The following MICAL2 variants were observed in gnomAD, a reference collection of about 807,000 sequenced individuals.
MICAL2 encodes the protein [F-actin]-monooxygenase MICAL2.
MICAL2 carries 77 observed loss-of-function variants against 127.3 expected under a neutral mutation model. The observed-to-expected ratio is 0.60, with a 90% CI of 0.50 to 0.73. MICAL2 has a LOEUF of 0.73. Among genes scored for constraint, MICAL2 ranks in the 30% least tolerant of loss-of-function variants. MICAL2 has a pLI of 0.00. For synonymous variants in MICAL2, 570 were observed against 551.1 expected (o/e 1.03, Z -0.48); for missense variants, 1,351 against 1,434.4 (o/e 0.94, Z 0.94).
intron 3 of MICAL2, among the ~76,000 whole-genome samples, chr11:12,201,261 C>G (rs1306668266): frequency 6.6e-6 from 1 of 152,062 alleles, no homozygotes; most frequent in Non-Finnish European, 1.5e-5. Flanking sequence ...TACAAACTCT[C>G]TGGAAGGTTC....
At position 12,239,502 on chromosome 11, in the gene MICAL2, A is replaced by T. The variant is rs955709586; in HGVS notation, c.2131A>T (p.Asn711Tyr). Reference protein sequence around the residue: ...QECGSSKEGGNQNKVKSMANQ... With the variant: ...QECGSSKEGGYQNKVKSMANQ... Reference sequence around the variant, plus strand: ...GTGTGGGAGCAGTAAGGAAGGTGGAAATCAGAACAAAGTCAAGTCCATGGC... The same window carrying T: ...GTGTGGGAGCAGTAAGGAAGGTGGATATCAGAACAAAGTCAAGTCCATGGC... The change falls in exon 17 of 28, where the codon AAT (asparagine) becomes TAT (tyrosine). Residue 711 changes from asparagine to tyrosine, a missense_variant. By Grantham distance (143) the Asn-to-Tyr change is moderately radical. This residue lies in a region of MICAL2 where 752 missense variants were observed against 719.4 expected (regional missense o/e 1.05). Coordinates refer to ENST00000683283, the MANE Select transcript of MICAL2 (RefSeq NM_001282663.2). The T allele has an allele frequency of 6.2e-7, 1 of 1,614,238 alleles. No homozygotes were observed. The highest frequency in any genetic ancestry group is 8.5e-7 in the Non-Finnish European group (1 of 1,180,044).
intron 32 of MICAL2, among the ~76,000 whole-genome samples, chr11:12,345,911 C>T (rs958828145): frequency 6.6e-6 from 1 of 152,228 alleles, no homozygotes; most frequent in East Asian, 1.9e-4. Context: ...CTTCCTAGGA[C>T]AAAATGACAG....
chr11:12,155,788 G>A (rs960689399), intron 2 of MICAL2, among the ~76,000 whole-genome samples: 51 of 152,226 alleles, frequency 3.4e-4, no homozygotes, highest in African/African-American at 1.2e-3. Context: ...GAGTGCCTGG[G>A]TGGTACTGGG....
At chr11:12,192,434 T>C (rs369030560) in intron 3 of MICAL2, among the ~76,000 whole-genome samples, 2 of 152,216 alleles carry the variant, frequency 1.3e-5, no homozygotes, top group Non-Finnish European at 2.9e-5. Flanking sequence ...TGGGATGGAC[T>C]GGACTCTGAG....
intron 29 of MICAL2, among the ~76,000 whole-genome samples, chr11:12,311,244 C>T (rs924269127): frequency 6.6e-6 from 1 of 152,200 alleles, no homozygotes; most frequent in East Asian, 1.9e-4. Context: ...TTATTGTGTT[C>T]CTGAAATAAA....
At chr11:12,334,551 T>G (rs1422016850) in intron 32 of MICAL2, among the ~76,000 whole-genome samples, 1 of 151,582 alleles carries the variant, frequency 6.6e-6, no homozygotes, top group African/African-American at 2.4e-5. Context: ...GCTGCACCCA[T>G]TAACTCGTCA....
exon 31 of MICAL2, chr11:12,324,060 A>G (rs914639749): frequency 2.2e-5 from 36 of 1,612,626 alleles, no homozygotes; most frequent in South Asian, 7.7e-5. Context: ...AAAAGACTCT[A>G]TAAGGCTCAG....
intron 29 of MICAL2, among the ~76,000 whole-genome samples, chr11:12,297,892 G>C (rs558364553): frequency 4.1e-4 from 62 of 151,614 alleles, no homozygotes; most frequent in Non-Finnish European, 7.7e-4. Context: ...ATACCACACT[G>C]TTTTAAATTT....
chr11:12,300,894 G>C (rs1221085288), intron 29 of MICAL2, among the ~76,000 whole-genome samples: 1 of 152,150 alleles, frequency 6.6e-6, no homozygotes, highest in Non-Finnish European at 1.5e-5. Flanking sequence ...ACCCATACAA[G>C]TATATACTCT....
chr11:12,270,303 C>G (rs1381237008), intron 24 of MICAL2, among the ~76,000 whole-genome samples: 1 of 152,214 alleles, frequency 6.6e-6, no homozygotes, highest in Non-Finnish European at 1.5e-5. Flanking sequence ...CTGGCTGGCT[C>G]TGTATTGAAA....
At chr11:12,246,587 C>G (rs554489395) in intron 21 of MICAL2, among the ~76,000 whole-genome samples, 1 of 152,336 alleles carries the variant, frequency 6.6e-6, no homozygotes, top group African/African-American at 2.4e-5. Flanking sequence ...AACATTCATT[C>G]CTTCAACAAA....
chr11:12,207,413 A>T (rs756825322), intron 4 of MICAL2, among the ~76,000 whole-genome samples: 19 of 152,238 alleles, frequency 1.2e-4, no homozygotes, highest in Admixed American at 3.3e-4. Flanking sequence ...TTGGAGGCAT[A>T]CGCATTTGTG....
At chr11:12,128,616 G>A (rs529453177) in intron 1 of MICAL2, among the ~76,000 whole-genome samples, 1 of 152,370 alleles carries the variant, frequency 6.6e-6, no homozygotes. Context: ...TGTGAATGTA[G>A]TGGGGAAAGC....
At chr11:12,325,475 G>T (rs1328402827) in intron 31 of MICAL2, among the ~76,000 whole-genome samples, 3 of 152,112 alleles carry the variant, frequency 2.0e-5, no homozygotes, top group African/African-American at 7.2e-5. Context: ...AAAGTACCAC[G>T]GACCGGATGG....
At chr11:12,178,816 G>A in intron 3 of MICAL2, among the ~76,000 whole-genome samples, 1 of 151,834 alleles carries the variant, frequency 6.6e-6, no homozygotes, top group East Asian at 1.9e-4. Flanking sequence ...CTGCCTCCAG[G>A]GCTCAAGCAG....
intron 5 of MICAL2, chr11:12,208,409 A>G: frequency 2.9e-6 from 1 of 350,596 alleles, no homozygotes; most frequent in Non-Finnish European, 5.3e-6. Flanking sequence ...AAGGAAATCT[A>G]ATCAATAAAT....
chr11:12,162,112 A>T lies in MICAL2; in HGVS notation c.-44A>T. On this transcript the variant is annotated 5_prime_UTR_variant, in exon 3 of 28. Transcript: ENST00000683283. Reference sequence around the variant, plus strand: ...TTTCTCCAGATACTTCATGCTGTTCACCTGTGTCCTCGCCGCACCACTGCC... The same window carrying T: ...TTTCTCCAGATACTTCATGCTGTTCTCCTGTGTCCTCGCCGCACCACTGCC... 2 of 1,611,320 alleles carry T rather than the reference A, an allele frequency of 1.2e-6. No homozygotes were observed. Among genetic ancestry groups the T allele is most frequent in the Non-Finnish European group, 1.7e-6 (2 of 1,178,830 alleles).
intron 2 of MICAL2, among the ~76,000 whole-genome samples, chr11:12,286,040 C>T (rs190467828): frequency 1.8e-3 from 280 of 152,336 alleles, no homozygotes; most frequent in African/African-American, 6.3e-3. Context: ...ACAGGGAACA[C>T]GTGGACCCCA....
At chr11:12,174,915 G>A (rs534331627) in intron 3 of MICAL2, among the ~76,000 whole-genome samples, 1 of 152,292 alleles carries the variant, frequency 6.6e-6, no homozygotes, top group Admixed American at 6.5e-5. Flanking sequence ...TAGCTCAGGA[G>A]ATTGAGACCA....
Sources: allele counts gnomAD v4.1 joint callset (sites outside exome capture counted in the v4.1 genomes callset), GRCh38; gene constraint gnomAD v4.1.1; regional missense constraint gnomAD v4.1.1; transcripts MANE v1.5; gene names NCBI Gene and HGNC (gene_info 2026-07-23, HGNC 2026-07-21).